The following VWA8 variants were observed in gnomAD, a reference collection of about 807,000 sequenced individuals.
VWA8 encodes the protein von Willebrand factor A domain-containing protein 8.
Under a neutral mutation model 241.5 loss-of-function variants are expected in VWA8, and 221 were observed. The ratio of observed to expected loss-of-function variants is 0.91; its 90% CI spans 0.82 to 1.02. VWA8 has a LOEUF of 1.02. Ranked by LOEUF, VWA8 falls within the 50% of genes least tolerant of loss-of-function variation. VWA8 has a pLI of 0.00. For missense variants in VWA8, 2,322 were observed against 2,328.7 expected (o/e 1.00, Z 0.06); for synonymous variants, 852 against 827.1 (o/e 1.03, Z -0.52).
intron 4 of VWA8, among the ~76,000 whole-genome samples, chr13:41,897,225 A>G (rs1348508949): frequency 1.3e-5 from 2 of 152,184 alleles, no homozygotes; most frequent in Non-Finnish European, 2.9e-5. Flanking sequence ...TGCAAAAAAA[A>G]AAGATAAGAT....
rs1384967619 is a variant in VWA8, at chr13:41,675,232, T to C, written c.4392A>G (p.Arg1464=). 2 of 1,612,280 alleles carry C rather than the reference T, an allele frequency of 1.2e-6. No homozygotes were observed. Among genetic ancestry groups the C allele is most frequent in the African/African-American group, 2.7e-5 (2 of 74,990 alleles). ...EVTDLQSKKL[R]YIPIPRSESL... ...TGGATTACCTGGGAATAGGGATATATCGGAGTTTCTTTGATTGAAGATCAG... is the reference window on the plus strand; with the variant it reads ...TGGATTACCTGGGAATAGGGATATACCGGAGTTTCTTTGATTGAAGATCAG... The change falls in exon 36 of 45, where the codon CGA becomes CGG. Residue 1464 remains arginine (R), a synonymous_variant. Transcript: ENST00000379310.
chr13:41,825,662 A>C (rs1871144667), intron 14 of VWA8, among the ~76,000 whole-genome samples: 1 of 152,194 alleles, frequency 6.6e-6, no homozygotes, highest in Non-Finnish European at 1.5e-5. Context: ...TCTCTCTCTC[A>C]AAATCTTCCA....
intron 29 of VWA8, among the ~76,000 whole-genome samples, chr13:41,698,445 C>T (rs1297202369): frequency 1.3e-5 from 2 of 152,032 alleles, no homozygotes; most frequent in Non-Finnish European, 2.9e-5. Context: ...AGCCTGACTC[C>T]GGGCATCTGT....
At chr13:41,686,542 A>AT (rs2045137567) in intron 34 of VWA8, among the ~76,000 whole-genome samples, 1 of 151,312 alleles carries the variant, frequency 6.6e-6, no homozygotes, top group Admixed American at 6.6e-5. Flanking sequence ...TTTTACTTCT[A>AT]TATCTACCTA....
At chr13:41,937,750 C>T (rs1877417601) in intron 2 of VWA8, among the ~76,000 whole-genome samples, 1 of 152,106 alleles carries the variant, frequency 6.6e-6, no homozygotes, top group Non-Finnish European at 1.5e-5. Flanking sequence ...TGTCATTAAA[C>T]AACACATAAC....
At chr13:41,810,224 G>T (rs904198135) in intron 17 of VWA8, among the ~76,000 whole-genome samples, 3 of 151,922 alleles carry the variant, frequency 2.0e-5, no homozygotes, top group Admixed American at 6.6e-5. Flanking sequence ...AAAATAACTA[G>T]AACAACCATA....
At chr13:41,758,244 A>G (rs2045708350) in intron 21 of VWA8, among the ~76,000 whole-genome samples, 1 of 150,780 alleles carries the variant, frequency 6.6e-6, no homozygotes, top group African/African-American at 2.4e-5. Context: ...ACCTTGTTAC[A>G]CACTATTAAC....
chr13:41,611,546 T>C, intron 39 of VWA8, 30 bp downstream of exon 39: 1 of 1,611,692 alleles, frequency 6.2e-7, no homozygotes, highest in Non-Finnish European at 8.5e-7. Context: ...ATAGCAGTAG[T>C]GCTGGTCTAA....
intron 1 of VWA8, among the ~76,000 whole-genome samples, chr13:41,950,318 G>A (rs942806137): frequency 4.0e-5 from 6 of 151,582 alleles, no homozygotes; most frequent in Admixed American, 3.3e-4. Flanking sequence ...AAGCAATACA[G>A]AAGAATGCAT....
At chr13:41,956,308 GGTTGA>G in intron 1 of VWA8, among the ~76,000 whole-genome samples, 1 of 152,228 alleles carries the variant, frequency 6.6e-6, no homozygotes, top group East Asian at 1.9e-4. Flanking sequence ...AATCACCTTG[GGTTGA>G]GAACTACTGG....
chr13:41,598,518 T>C (rs867545146), intron 40 of VWA8, among the ~76,000 whole-genome samples: 9 of 152,128 alleles, frequency 5.9e-5, no homozygotes, highest in Non-Finnish European at 8.8e-5. Context: ...AAGGTTCCCA[T>C]TCTTAAGGAA....
In VWA8 at chr13:41,816,793, T is replaced by C. The variant is rs776216318; in HGVS notation, c.1870-18A>G. 1.9e-6 allele frequency: 3 copies of C among 1,586,052 alleles called. No individual in the cohort carries two copies. In the East Asian group the frequency reaches 6.7e-5, roughly 35 times the overall value. On this transcript the variant is annotated intron_variant, in intron 15 of 44. Transcript: ENST00000379310. The stretch of plus-strand genomic sequence containing the variant: ...TTTGGGACCTATTTTTTGAAAGAGT[T>C]GAGGACAAACAGAAGGAATAAATCG...
At chr13:41,644,871 A>C (rs1030582682) in intron 37 of VWA8, among the ~76,000 whole-genome samples, 3 of 152,220 alleles carry the variant, frequency 2.0e-5, no homozygotes, top group African/African-American at 7.2e-5. Context: ...ACTCTTGTTT[A>C]TCCCAATTAG....
At chr13:41,701,343 T>C in intron 28 of VWA8, 49 bp downstream of exon 28, 1 of 1,478,920 alleles carries the variant, frequency 6.8e-7, no homozygotes, top group South Asian at 1.5e-5. Context: ...ATCCATCTTT[T>C]AAAAAAACAT....
intron 17 of VWA8, among the ~76,000 whole-genome samples, chr13:41,797,100 G>A (rs1400901298): frequency 6.6e-6 from 1 of 151,840 alleles, no homozygotes; most frequent in Non-Finnish European, 1.5e-5. Flanking sequence ...GTGTGATCTT[G>A]GCTCACTGCA....
At chr13:41,573,919 G>T (rs1451267122) in intron 43 of VWA8, among the ~76,000 whole-genome samples, 1 of 152,092 alleles carries the variant, frequency 6.6e-6, no homozygotes, top group East Asian at 1.9e-4. Flanking sequence ...ACCGTGCCTG[G>T]CCGTAAAAAA....
At chr13:41,883,284 G>T in intron 9 of VWA8, 103 bp downstream of exon 9, 1 of 844,150 alleles carries the variant, frequency 1.2e-6, no homozygotes, top group Non-Finnish European at 1.9e-6. Context: ...AGGATGGGGA[G>T]AGAAAAATAG....
At chr13:41,939,156 A>G (rs1877480796) in intron 2 of VWA8, among the ~76,000 whole-genome samples, 2 of 152,166 alleles carry the variant, frequency 1.3e-5, no homozygotes, top group African/African-American at 4.8e-5. Context: ...CTGCAACAAG[A>G]TTATGTAAGC....
chr13:41,576,537 G>A (rs914578287), intron 42 of VWA8, among the ~76,000 whole-genome samples: 3 of 152,184 alleles, frequency 2.0e-5, no homozygotes, highest in Admixed American at 1.3e-4. Flanking sequence ...GCAAAAATAG[G>A]AAGTGAGAAG....
Sources: allele counts gnomAD v4.1 joint callset (sites outside exome capture counted in the v4.1 genomes callset), GRCh38; gene constraint gnomAD v4.1.1; transcripts MANE v1.5; gene names NCBI Gene and HGNC (gene_info 2026-07-23, HGNC 2026-07-21).